BNC2: variants seen among roughly 807,000 people sequenced by gnomAD.
BNC2 encodes the protein zinc finger protein basonuclin-2.
Under a neutral mutation model 76.3 loss-of-function variants are expected in BNC2, and 20 were observed. That is an observed-to-expected ratio of 0.26 (90% confidence interval 0.18 to 0.38). The LOEUF is 0.38. BNC2 is among the 10% of genes least tolerant of loss of function. The pLI, the probability that BNC2 is intolerant of heterozygous loss-of-function variation, is 1.00. For synonymous variants in BNC2, 582 were observed against 514.8 expected (o/e 1.13, Z -1.77); for missense variants, 1,382 against 1,399.8 (o/e 0.99, Z 0.20).
chr9:16,682,848 G>T (rs1822865572), intron 3 of BNC2, among the ~76,000 whole-genome samples: 1 of 152,070 alleles, frequency 6.6e-6, no homozygotes, highest in Non-Finnish European at 1.5e-5. Context: ...ACATGATGAG[G>T]CACAACTGAA....
chr9:16,663,715 G>T (rs1359635145), intron 3 of BNC2, among the ~76,000 whole-genome samples: 1 of 152,140 alleles, frequency 6.6e-6, no homozygotes, highest in Admixed American at 6.5e-5. Flanking sequence ...CAATTCAAAT[G>T]TGCCTGCTGG....
chr9:16,583,067 C>T lies in BNC2; in HGVS notation c.349G>A (p.Val117Ile), dbSNP rs1819672064. Residue 117 changes from valine to isoleucine, a missense_variant, in exon 4 of 7, where the codon GTA (valine) becomes ATA (isoleucine). Coordinates refer to ENST00000380672, the MANE Select transcript of BNC2 (RefSeq NM_017637.6). ...MSQQAIRCTL[V>I]NCTCECFQPG... is the part of the protein sequence containing the mutation. Reference sequence around the variant, plus strand: ...TGAAAACATTCACATGTGCAGTTTACCAGTGTGCAACGGATGGCCTGAAAA... The same window carrying T: ...TGAAAACATTCACATGTGCAGTTTATCAGTGTGCAACGGATGGCCTGAAAA... The T allele has an allele frequency of 3.7e-6, 6 of 1,613,882 alleles. No homozygotes were observed. The South Asian group carries it at 5.5e-5, about 15-fold the overall frequency.
Position 16,418,970 on chromosome 9 carries a change from T to C in BNC2, c.*19A>G. ...AGGCCATCTGGTGAGAGCTGGCATT[T>C]GTAGTGTCCATTCTGAGACTAATCT... On this transcript the variant is annotated 3_prime_UTR_variant, in exon 7 of 7. Coordinates refer to ENST00000380672, the MANE Select transcript of BNC2 (RefSeq NM_017637.6). The C allele has an allele frequency of 1.2e-6, 2 of 1,613,910 alleles. No homozygotes were observed. The highest frequency in any genetic ancestry group is 1.3e-5 in the African/African-American group (1 of 74,984).
At chr9:16,505,072 G>A (rs1378740435) in intron 5 of BNC2, among the ~76,000 whole-genome samples, 2 of 152,182 alleles carry the variant, frequency 1.3e-5, no homozygotes, top group African/African-American at 2.4e-5. Context: ...ACTTTTCTGA[G>A]CCTTGTTTCC....
intron 6 of BNC2, chr9:16,431,387 G>C (rs759087962): frequency 2.7e-5 from 12 of 443,444 alleles, no homozygotes; most frequent in Admixed American, 1.2e-4. Context: ...AATGATGAAA[G>C]GTAAATTACA....
intron 5 of BNC2, among the ~76,000 whole-genome samples, chr9:16,535,114 A>T (rs184786976): frequency 6.6e-6 from 1 of 152,314 alleles, no homozygotes; most frequent in Admixed American, 6.5e-5. Context: ...CAAAAATCCT[A>T]GGTAGCTGCT....
intron 1 of BNC2, among the ~76,000 whole-genome samples, chr9:16,864,605 T>G (rs1290521726): frequency 6.6e-6 from 1 of 152,186 alleles, no homozygotes; most frequent in African/African-American, 2.4e-5. Flanking sequence ...AGCTCATTAC[T>G]GCCAGCGTCG....
At chr9:16,455,763 G>C (rs972475908) in intron 5 of BNC2, among the ~76,000 whole-genome samples, 1 of 149,612 alleles carries the variant, frequency 6.7e-6, no homozygotes, top group Non-Finnish European at 1.5e-5. Context: ...TTGCACTCCA[G>C]CCTGGGAGAC....
chr9:16,724,234 A>G (rs1284250894), intron 3 of BNC2, among the ~76,000 whole-genome samples: 1 of 152,016 alleles, frequency 6.6e-6, no homozygotes, highest in Non-Finnish European at 1.5e-5. Context: ...AATAGACTGG[A>G]CTATTACATC....
chr9:16,765,842 A>C (rs978550691), intron 1 of BNC2, among the ~76,000 whole-genome samples: 295 of 149,416 alleles, frequency 2.0e-3, no homozygotes, highest in Non-Finnish European at 3.6e-3. Flanking sequence ...GCTGGAGTGC[A>C]GTGGCACGAT....
intron 3 of BNC2, among the ~76,000 whole-genome samples, chr9:16,706,191 A>ATCTGT (rs1204306594): frequency 5.3e-5 from 8 of 152,222 alleles, no homozygotes; most frequent in Admixed American, 5.2e-4. Flanking sequence ...GCACCCCAAA[A>ATCTGT]TACCCCTTTC....
At chr9:16,467,753 A>G (rs1039650627) in intron 5 of BNC2, among the ~76,000 whole-genome samples, 7 of 144,572 alleles carry the variant, frequency 4.8e-5, no homozygotes, top group African/African-American at 1.8e-4. Flanking sequence ...TAGTGGGTGC[A>G]GCGCACCAGC....
chr9:16,844,305 C>T (rs1298097224), intron 1 of BNC2, among the ~76,000 whole-genome samples: 6 of 151,582 alleles, frequency 4.0e-5, no homozygotes, highest in Non-Finnish European at 8.8e-5. Flanking sequence ...TATTAATATA[C>T]CAACTGCATA....
chr9:16,867,925 C>T (rs1563978355), intron 1 of BNC2: 1 of 152,100 alleles, frequency 6.6e-6, no homozygotes, highest in Non-Finnish European at 1.5e-5. Flanking sequence ...TTAACTGCGG[C>T]TCTCTGGGGA....
chr9:16,560,739 G>T (rs574024239), intron 4 of BNC2, among the ~76,000 whole-genome samples: 1 of 152,232 alleles, frequency 6.6e-6, no homozygotes, highest in South Asian at 2.1e-4. Context: ...AACAGCAAAA[G>T]ATTAAAAGAT....
chr9:16,502,465 C>A (rs566002584), intron 5 of BNC2, among the ~76,000 whole-genome samples: 1 of 152,250 alleles, frequency 6.6e-6, no homozygotes, highest in South Asian at 2.1e-4. Context: ...ACAACAGTTA[C>A]TAACATTCCA....
At chr9:16,604,030 T>C (rs998263957) in intron 3 of BNC2, among the ~76,000 whole-genome samples, 1 of 152,174 alleles carries the variant, frequency 6.6e-6, no homozygotes, top group African/African-American at 2.4e-5. Flanking sequence ...GTATACTAAA[T>C]AACATCCTAA....
At chr9:16,743,037 G>A (rs1413142837) in intron 1 of BNC2, among the ~76,000 whole-genome samples, 1 of 152,168 alleles carries the variant, frequency 6.6e-6, no homozygotes, top group Admixed American at 6.5e-5. Flanking sequence ...AAGAGTCCTA[G>A]TTATTAAATT....
In BNC2 at chr9:16,437,249, G is replaced by A. The variant is rs777323674; in HGVS notation, c.945C>T (p.Ile315=). The change falls in exon 6 of 7, where the codon ATC becomes ATT. Residue 315 remains isoleucine, a synonymous_variant. Transcript: ENST00000380672. ...NPSSIHHFEN[I]PNSLAFLLPF... ...GAAGCAGAAATGCAAGGCTGTTTGG[G>A]ATGTTTTCGAAGTGATGAATGCTGG... is the stretch of plus-strand genomic sequence containing the variant. 1 of 1,614,144 alleles carries A rather than the reference G, an allele frequency of 6.2e-7. No individual in the cohort carries two copies. Among genetic ancestry groups the A allele is most frequent in the Non-Finnish European group, 8.5e-7 (1 of 1,180,030 alleles).
Sources: gnomAD v4.1 joint callset for allele counts (sites outside exome capture counted in the v4.1 genomes callset) on GRCh38, gnomAD v4.1.1 for gene constraint, MANE v1.5 for transcripts, NCBI Gene and HGNC (gene_info 2026-07-23, HGNC 2026-07-21) for gene names.